Variants in EEPD1 observed in about 807,000 individuals in gnomAD.
EEPD1 encodes endonuclease/exonuclease/phosphatase family domain-containing protein 1.
Under a neutral mutation model 46.3 loss-of-function variants are expected in EEPD1, and 17 were observed. The ratio of observed to expected loss-of-function variants is 0.37; its 90% CI spans 0.25 to 0.55. The LOEUF (loss-of-function observed/expected upper bound fraction) is 0.55. Among genes scored for constraint, EEPD1 ranks in the 20% least tolerant of loss-of-function variants. The pLI is 0.83. For missense variants in EEPD1, 673 were observed against 745.6 expected (o/e 0.90, Z 1.13); for synonymous variants, 313 against 315.6 (o/e 0.99, Z 0.09).
chr7:36,218,474 T>C (rs1236682311), intron 2 of EEPD1, among the ~76,000 whole-genome samples: 1 of 152,122 alleles, frequency 6.6e-6, no homozygotes, highest in Non-Finnish European at 1.5e-5. Flanking sequence ...AAACACCTTA[T>C]ACTGTACAGA....
intron 3 of EEPD1, among the ~76,000 whole-genome samples, chr7:36,251,403 C>T (rs1394092660): frequency 3.9e-5 from 6 of 152,146 alleles, no homozygotes; most frequent in Non-Finnish European, 5.9e-5. Context: ...CTCCGCCTCC[C>T]GGGTTCAAGC....
chr7:36,286,146 G>A (rs1787338948), intron 5 of EEPD1, among the ~76,000 whole-genome samples: 1 of 152,156 alleles, frequency 6.6e-6, no homozygotes, highest in Non-Finnish European at 1.5e-5. Context: ...CACAACGCAG[G>A]CTGTTTTTAA....
At chr7:36,188,560 T>C (rs1212496062) in intron 2 of EEPD1, among the ~76,000 whole-genome samples, 1 of 152,186 alleles carries the variant, frequency 6.6e-6, no homozygotes, top group Non-Finnish European at 1.5e-5. Context: ...CTGCAGGGAT[T>C]ACTGTGTGTT....
At chr7:36,249,015 A>ACACACACACACACACACACACACACAC (rs1476742420) in intron 3 of EEPD1, among the ~76,000 whole-genome samples, 4 of 151,544 alleles carry the variant, frequency 2.6e-5, no homozygotes, top group African/African-American at 9.7e-5. Context: ...ACACACACAC[A>ACACACACACACACACACACACACACAC]CACACACACA....
At chr7:36,276,571 G>C (rs2160273) in intron 3 of EEPD1, among the ~76,000 whole-genome samples, 8,863 of 152,212 alleles carry the variant, frequency 0.058, 319 homozygotes, top group Middle Eastern at 0.12. Context: ...GGCTTTTGAC[G>C]TACAGGGTCC....
At chr7:36,205,731 A>G (rs1785801705) in intron 2 of EEPD1, among the ~76,000 whole-genome samples, 2 of 152,238 alleles carry the variant, frequency 1.3e-5, no homozygotes, top group Non-Finnish European at 2.9e-5. Flanking sequence ...AGAAATTCCC[A>G]AAGTGAGCAG....
chr7:36,285,433 G>C (rs991682652), intron 5 of EEPD1, among the ~76,000 whole-genome samples: 1 of 152,194 alleles, frequency 6.6e-6, no homozygotes, highest in Admixed American at 6.5e-5. Flanking sequence ...CCTGTCACTG[G>C]CATCGCCCAT....
At chr7:36,204,605 C>A (rs940551610) in intron 2 of EEPD1, among the ~76,000 whole-genome samples, 3 of 152,128 alleles carry the variant, frequency 2.0e-5, no homozygotes, top group Non-Finnish European at 2.9e-5. Context: ...AAGTTTTTTG[C>A]AGTTGCCCCT....
At chr7:36,184,055 T>G (rs953201108) in intron 2 of EEPD1, among the ~76,000 whole-genome samples, 1 of 152,170 alleles carries the variant, frequency 6.6e-6, no homozygotes, top group Non-Finnish European at 1.5e-5. Flanking sequence ...GCAAACATTT[T>G]CTGCAAAGGC....
intron 2 of EEPD1, among the ~76,000 whole-genome samples, chr7:36,198,955 G>A (rs1785662476): frequency 6.6e-6 from 1 of 151,802 alleles, no homozygotes; most frequent in African/African-American, 2.4e-5. Context: ...TCTACAGGGA[G>A]GGGTGGACCA....
rs373083007 is a variant in EEPD1, at chr7:36,256,724, A to G, written c.930+17688A>G. ...TTTGAGCCTATGTGTGTCCTTGCAC[A>G]TGAGATGGGTCTCCTGAATACAGCA... On this transcript the variant is annotated intron_variant, in intron 3 of 7. Coordinates refer to ENST00000242108, the MANE Select transcript of EEPD1 (RefSeq NM_030636.3). 6.9e-4 allele frequency among the ~76,000 whole-genome samples: 105 copies of G among 152,078 alleles called. No individual in the cohort carries two copies. In the South Asian group the frequency reaches 0.021, roughly 30 times the overall value.
intron 2 of EEPD1, among the ~76,000 whole-genome samples, chr7:36,165,310 C>G (rs919405724): frequency 2.0e-5 from 3 of 151,662 alleles, no homozygotes; most frequent in Non-Finnish European, 4.4e-5. Context: ...AATAACATAC[C>G]ATGTAGGTTT....
chr7:36,226,640 C>T (rs1471648397), intron 2 of EEPD1, among the ~76,000 whole-genome samples: 1 of 152,158 alleles, frequency 6.6e-6, no homozygotes, highest in Admixed American at 6.5e-5. Context: ...ACACAGGGTG[C>T]TTCCCCTAAA....
intron 6 of EEPD1, among the ~76,000 whole-genome samples, chr7:36,293,310 C>T (rs1195933408): frequency 1.3e-5 from 2 of 152,222 alleles, no homozygotes; most frequent in South Asian, 2.1e-4. Context: ...GTTCGAGGTA[C>T]CCGTCCTTTC....
At chr7:36,179,042 A>G (rs1200310666) in intron 2 of EEPD1, among the ~76,000 whole-genome samples, 2 of 152,228 alleles carry the variant, frequency 1.3e-5, no homozygotes, top group Non-Finnish European at 1.5e-5. Flanking sequence ...AATAAAAGAA[A>G]TTACTGTGAA....
At chr7:36,190,657 T>C (rs1460669305) in intron 2 of EEPD1, among the ~76,000 whole-genome samples, 1 of 152,222 alleles carries the variant, frequency 6.6e-6, no homozygotes, top group African/African-American at 2.4e-5. Context: ...GCTTCCTTTG[T>C]TCCAATGGGT....
At chr7:36,222,859 G>A (rs1786170354) in intron 2 of EEPD1, among the ~76,000 whole-genome samples, 1 of 152,088 alleles carries the variant, frequency 6.6e-6, no homozygotes, top group South Asian at 2.1e-4. Flanking sequence ...CCATCACACT[G>A]GTCATTAAAT....
In EEPD1 at chr7:36,154,159, C is replaced by G. The variant is rs1784772270; in HGVS notation, c.-166C>G. 2.5e-6 allele frequency: 2 copies of G among 791,998 alleles called. No homozygotes were observed. The highest frequency in any genetic ancestry group is 6.0e-5 in the Admixed American group (2 of 33,418). The allele number at this position is 791,998 out of a possible 1,614,324, so 49.1% of individuals were successfully genotyped here. On this transcript the variant is annotated 5_prime_UTR_variant, in exon 2 of 8. Transcript: ENST00000242108. This position sits in a 1 kb window ranked among gnomAD's most constrained non-coding sequence, Gnocchi z 4.2. ...CGGCCAAGTGAAAGGTAATTTTGGA[C>G]ACGCCAGGCATGGAAGATTCGGTGT...
At chr7:36,196,200 G>A (rs1439742095) in intron 2 of EEPD1, among the ~76,000 whole-genome samples, 1 of 152,156 alleles carries the variant, frequency 6.6e-6, no homozygotes, top group Non-Finnish European at 1.5e-5. Context: ...GTTGCTCTGG[G>A]TGAGTCAGTG....
Sources: gnomAD v4.1 joint callset for allele counts (sites outside exome capture counted in the v4.1 genomes callset) on GRCh38, gnomAD v4.1.1 for gene constraint, Gnocchi (gnomAD v3.1) non-coding constraint, MANE v1.5 for transcripts, NCBI Gene and HGNC (gene_info 2026-07-23, HGNC 2026-07-21) for gene names.